USO1: variants seen among roughly 807,000 people sequenced by gnomAD.
USO1 encodes the protein general vesicular transport factor p115.
USO1 carries 57 observed loss-of-function variants against 124.5 expected under a neutral mutation model. That is an observed-to-expected ratio of 0.46 (90% CI 0.37 to 0.57). The LOEUF is 0.57. Among genes scored for constraint, USO1 ranks in the 20% least tolerant of loss-of-function variants. The pLI is 0.00. For synonymous variants in USO1, 369 were observed against 362.8 expected, an observed-to-expected ratio of 1.02 and a Z score of -0.19; for missense variants, 900 against 1,040.6, an observed-to-expected ratio of 0.86 and a Z score of 1.86.
chr4:75,804,384 G>A, intron 18 of USO1, 112 bp downstream of exon 18: 2 of 1,400,776 alleles, frequency 1.4e-6, no homozygotes, highest in Non-Finnish European at 1.9e-6. Context: ...CCTTAATCAT[G>A]GTGACAAAAA....
At chr4:75,749,123 A>T (rs947017627) in intron 1 of USO1, among the ~76,000 whole-genome samples, 1 of 152,178 alleles carries the variant, frequency 6.6e-6, no homozygotes, top group East Asian at 1.9e-4. Context: ...TATATCTGCT[A>T]TATGAAGAAA....
chr4:75,796,581 C>T (rs2149186105), intron 13 of USO1, among the ~76,000 whole-genome samples: 1 of 152,098 alleles, frequency 6.6e-6, no homozygotes, highest in African/African-American at 2.4e-5. Flanking sequence ...GCAGGTGATC[C>T]ACCCACCTGG....
At chr4:75,783,133 G>A (rs934177552) in intron 9 of USO1, among the ~76,000 whole-genome samples, 1 of 152,104 alleles carries the variant, frequency 6.6e-6, no homozygotes, top group African/African-American at 2.4e-5. Context: ...ACAGTTTCCT[G>A]ATGGGTTTTA....
intron 4 of USO1, among the ~76,000 whole-genome samples, chr4:75,758,637 C>G (rs1428513893): frequency 1.3e-5 from 2 of 152,024 alleles, no homozygotes; most frequent in Non-Finnish European, 2.9e-5. Context: ...AATCCCAGCA[C>G]TTTGGGAGGC....
In USO1 at chr4:75,804,345, A is replaced by G. The variant is rs142005104; in HGVS notation, c.2125+73A>G. 640 of 1,497,888 alleles carry G rather than the reference A, an allele frequency of 4.3e-4. 2 individuals carry two copies. The African/African-American group carries it at 7.8e-3, about 18-fold the overall frequency. 92.8% of individuals were successfully genotyped at this position (1,497,888 alleles called of 1,614,324 possible). On this transcript the variant is annotated intron_variant, in intron 18 of 23. Coordinates refer to ENST00000514213, the MANE Select transcript of USO1 (RefSeq NM_003715.4). Reference sequence around the variant, plus strand: ...CCTCAAGAGCTAGACAAAGTAAAAGATTCTTTCTGTGGACTAGTATTTTTC... The same window carrying G: ...CCTCAAGAGCTAGACAAAGTAAAAGGTTCTTTCTGTGGACTAGTATTTTTC...
At chr4:75,792,613 C>T (rs781014780) in intron 12 of USO1, among the ~76,000 whole-genome samples, 16 of 152,124 alleles carry the variant, frequency 1.1e-4, no homozygotes, top group Non-Finnish European at 1.8e-4. Flanking sequence ...GCGAGAATCA[C>T]CTGAGCCTGG....
At chr4:75,790,894 T>G in intron 12 of USO1, 97 bp downstream of exon 12, 1 of 1,358,090 alleles carries the variant, frequency 7.4e-7, no homozygotes, top group Non-Finnish European at 9.6e-7. Flanking sequence ...CCTAAAATAC[T>G]TTGCATGCTT....
In USO1 at chr4:75,779,654, A is replaced by T. The variant is rs535771067; in HGVS notation, c.677-3026A>T. On this transcript the variant is annotated intron_variant, in intron 8 of 23. Transcript: ENST00000514213. ...GAGAGGTGAACAAGCTGCACAAGGA[A>T]AGTTGGAAGAATGGATATTGTGCAT... Among the ~76,000 whole-genome samples, 3 of 152,218 alleles carry T rather than the reference A, an allele frequency of 2.0e-5. No individual in the cohort carries two copies. The South Asian group carries it at 6.2e-4, about 32-fold the overall frequency.
intron 7 of USO1, among the ~76,000 whole-genome samples, chr4:75,771,860 T>C (rs324713): frequency 0.35 from 53,631 of 152,122 alleles, 11,641 homozygotes; most frequent in African/African-American, 0.62. Flanking sequence ...TTCTGTAATA[T>C]TTAAAATAGC....
intron 4 of USO1, among the ~76,000 whole-genome samples, chr4:75,766,651 G>A (rs1721777110): frequency 6.6e-6 from 1 of 152,192 alleles, no homozygotes; most frequent in African/African-American, 2.4e-5. Flanking sequence ...CAGTGCTTCT[G>A]TTTATTGAGC....
At position 75,790,260 on chromosome 4, in the gene USO1, G is replaced by C. The variant is rs563396474; in HGVS notation, c.1085+22G>C. The C allele has an allele frequency of 3.8e-6, 6 of 1,570,906 alleles. No homozygotes were observed. The African/African-American group carries it at 8.1e-5, about 21-fold the overall frequency. ...CAAGGTAGAAAAAGGGAAATACTGA[G>C]ATTACTCTGAGGAAGTAAAAACTTT... is the stretch of plus-strand genomic sequence containing the variant. On this transcript the variant is annotated intron_variant, in intron 11 of 23. Transcript: ENST00000514213.
chr4:75,754,057 G>A (rs2149156005), intron 3 of USO1, among the ~76,000 whole-genome samples: 2 of 149,666 alleles, frequency 1.3e-5, no homozygotes, highest in East Asian at 4.0e-4. Context: ...AAAGTGCTGG[G>A]ATTACAGGCG....
At chr4:75,758,927 A>G (rs1721518426) in intron 4 of USO1, among the ~76,000 whole-genome samples, 1 of 152,198 alleles carries the variant, frequency 6.6e-6, no homozygotes, top group Non-Finnish European at 1.5e-5. Context: ...TTATTTCTAC[A>G]ATGAGAAAAT....
intron 14 of USO1, 97 bp from the exon 15 acceptor site, chr4:75,800,254 A>T: frequency 7.3e-7 from 1 of 1,378,652 alleles, no homozygotes; most frequent in Non-Finnish European, 9.7e-7. Flanking sequence ...GGAATTTCTT[A>T]TGGGAACTCT....
chr4:75,798,183 A>G (rs1048458565), intron 13 of USO1, among the ~76,000 whole-genome samples: 2 of 151,842 alleles, frequency 1.3e-5, no homozygotes, highest in Admixed American at 6.6e-5. Flanking sequence ...TTATCCTTCA[A>G]TTAGACCCCA....
chr4:75,744,669 C>T (rs189145794), intron 1 of USO1, among the ~76,000 whole-genome samples: 1 of 152,230 alleles, frequency 6.6e-6, no homozygotes, highest in African/African-American at 2.4e-5. Context: ...ATCTGCCTGC[C>T]TTGGCCTCCC....
intron 12 of USO1, among the ~76,000 whole-genome samples, chr4:75,791,070 G>A (rs1229321773): frequency 6.6e-6 from 1 of 152,158 alleles, no homozygotes; most frequent in Non-Finnish European, 1.5e-5. Context: ...AGTTATGGGG[G>A]ATAATAATAC....
Position 75,735,411 on chromosome 4 carries a change from G to A in USO1, c.66+10526G>A, listed in dbSNP as rs979916406. 5.9e-5 allele frequency among the ~76,000 whole-genome samples: 9 copies of A among 152,078 alleles called. No individual in the cohort carries two copies. The South Asian group carries it at 1.5e-3, about 25-fold the overall frequency. On this transcript the variant is annotated intron_variant, in intron 1 of 23. Coordinates refer to ENST00000514213, the MANE Select transcript of USO1 (RefSeq NM_003715.4). ...GATAGTTTGTCATTTTTTCCTATTC[G>A]GATGTCAATTCTTTCTCTTGCCTGA...
intron 11 of USO1, 148 bp downstream of exon 11, chr4:75,790,386 T>C: frequency 8.1e-7 from 1 of 1,241,528 alleles, no homozygotes; most frequent in South Asian, 1.7e-5. Flanking sequence ...ATGATATTGA[T>C]ATTTTAAAAG....
Sources: allele counts gnomAD v4.1 joint callset (sites outside exome capture counted in the v4.1 genomes callset), GRCh38; gene constraint gnomAD v4.1.1; transcripts MANE v1.5; gene names NCBI Gene and HGNC (gene_info 2026-07-23, HGNC 2026-07-21).